The following CACNA1A variants were observed in gnomAD, a reference collection of about 807,000 sequenced individuals.
CACNA1A encodes the protein calcium voltage-gated channel subunit alpha1 A.
Under a neutral mutation model 262.4 loss-of-function variants are expected in CACNA1A, and 57 were observed. The ratio of observed to expected loss-of-function variants is 0.22; its 90% CI spans 0.18 to 0.27. The LOEUF is 0.27. CACNA1A is among the 10% of genes least tolerant of loss of function. CACNA1A has a pLI of 1.00. For missense variants in CACNA1A, 2,526 were observed against 3,562.8 expected (o/e 0.71, Z 7.41); for synonymous variants, 1,431 against 1,419.3 (o/e 1.01, Z -0.18).
Position 13,241,169 on chromosome 19 carries a change from G to C in CACNA1A, c.4950+4013C>G, listed in dbSNP as rs2056070624. Among the ~76,000 whole-genome samples the C allele has an allele frequency of 6.6e-6, 1 of 152,180 alleles. No homozygotes were observed. The highest frequency in any genetic ancestry group is 2.4e-5 in the African/African-American group (1 of 41,452). On this transcript the variant is annotated intron_variant, in intron 31 of 46. Coordinates refer to ENST00000360228, the MANE Select transcript of CACNA1A (RefSeq NM_001127222.2). The surrounding 1 kb of genome is among the most constrained non-coding windows in gnomAD (Gnocchi z 4.0). ...GACAGGAGTGGTGAGAGGTGGCTGG[G>C]AGTGGATTTGCCTCTATTGTCTCTG...
rs960086624 is a variant in CACNA1A at position 13,506,315 on chromosome 19, C to G, written c.-91G>C. 8.2e-7 allele frequency: 1 copy of G among 1,219,168 alleles called. No individual in the cohort carries two copies. The highest frequency in any genetic ancestry group is 1.6e-5 in the African/African-American group (1 of 62,006). 75.5% of individuals were successfully genotyped at this position (1,219,168 alleles called of 1,614,324 possible). A position where few individuals can be genotyped will look rare whatever the true frequency, so the allele number is the denominator to read the frequency against. ...GCCGCCGCCGCTGATGCTGAGGCTG[C>G]CGGGGCTGGGAGCGCGGCGGCTGGA... is the stretch of plus-strand genomic sequence containing the variant. On this transcript the variant is annotated 5_prime_UTR_variant, in exon 1 of 47. Transcript: ENST00000360228.
chr19:13,371,665 G>A (rs1957779862), intron 4 of CACNA1A, 23 bp downstream of exon 4: 5 of 1,541,240 alleles, frequency 3.2e-6, no homozygotes, highest in Non-Finnish European at 4.4e-6. Flanking sequence ...CAAACCCCTT[G>A]TCAGGGTCGG....
intron 30 of CACNA1A, among the ~76,000 whole-genome samples, chr19:13,247,958 G>A (rs975752599): frequency 2.0e-5 from 3 of 152,142 alleles, no homozygotes; most frequent in Non-Finnish European, 4.4e-5. Context: ...TCCCTGTGAG[G>A]TGGGATGACT....
rs1325815599 is a variant in CACNA1A, at chr19:13,308,607, C to T, written c.1669-79G>A. 1.2e-6 allele frequency: 1 copy of T among 826,302 alleles called. No individual in the cohort carries two copies. Among genetic ancestry groups the T allele is most frequent in the African/African-American group, 1.7e-5 (1 of 58,346 alleles). 51.2% of individuals were successfully genotyped at this position (826,302 alleles called of 1,614,324 possible). On this transcript the variant is annotated intron_variant, in intron 12 of 46. Transcript: ENST00000360228. This position sits in a 1 kb window ranked among gnomAD's most constrained non-coding sequence, Gnocchi z 4.2. ...TGGCAAGCATTTCCTAGGTACCAAC[C>T]TTGCAAGAACTCAACCAAACTCCTC...
At chr19:13,354,857 GCTTTT>G in intron 6 of CACNA1A, among the ~76,000 whole-genome samples, 1 of 142,264 alleles carries the variant, frequency 7.0e-6, no homozygotes, top group East Asian at 2.1e-4. Flanking sequence ...AAGGGAGGAT[GCTTTT>G]CTTTTTCTTT....
chr19:13,296,257 T>C (rs757356657), intron 19 of CACNA1A, among the ~76,000 whole-genome samples: 6 of 152,194 alleles, frequency 3.9e-5, no homozygotes, highest in South Asian at 2.1e-4. Flanking sequence ...ACATACACAT[T>C]AGATTTTGAG....
chr19:13,294,432 C>G (rs553757864), intron 19 of CACNA1A, among the ~76,000 whole-genome samples: 2 of 150,620 alleles, frequency 1.3e-5, no homozygotes, highest in South Asian at 4.2e-4. Context: ...TCAAGCAATC[C>G]TTTGCCTCAG....
chr19:13,297,836 T>C (rs2057695802), intron 19 of CACNA1A, among the ~76,000 whole-genome samples: 1 of 151,982 alleles, frequency 6.6e-6, no homozygotes, highest in South Asian at 2.1e-4. Context: ...ACAGCATTTT[T>C]TTTTTTTTGA....
At chr19:13,380,745 G>GTTTATTTA (rs1475227044) in intron 3 of CACNA1A, among the ~76,000 whole-genome samples, 6 of 142,984 alleles carry the variant, frequency 4.2e-5, no homozygotes, top group Non-Finnish European at 7.6e-5. Context: ...TTGTTTGTTT[G>GTTTATTTA]TTTGTTTATT....
rs192673094 is a variant in CACNA1A at position 13,323,593 on chromosome 19, C to T, written c.1346-6272G>A. ...CGTCACATCTTAGCCTCCCGAGTAG[C>T]TGTCTTTGCCCATTTTTAATTGGGT... On this transcript the variant is annotated intron_variant, in intron 10 of 46. Coordinates refer to ENST00000360228, the MANE Select transcript of CACNA1A (RefSeq NM_001127222.2). Among the ~76,000 whole-genome samples, 4 of 152,296 alleles carry T rather than the reference C, an allele frequency of 2.6e-5. No individual in the cohort carries two copies. In the East Asian group the frequency reaches 5.8e-4, roughly 22 times the overall value.
At position 13,207,466 on chromosome 19, in the gene CACNA1A, C is replaced by T. The variant is rs987406696; in HGVS notation, c.7368G>A (p.Arg2456=). 59 of 1,482,478 alleles carry T rather than the reference C, an allele frequency of 4.0e-5. No individual in the cohort carries two copies. The highest frequency in any genetic ancestry group is 4.6e-5 in the Non-Finnish European group (52 of 1,121,270). 91.8% of individuals were successfully genotyped at this position (1,482,478 alleles called of 1,614,324 possible). ...GATGRSPRTP[R]ASGPACASPS... is the part of the protein sequence containing the mutation. ...GCGAGGCGCAGGCCGGGCCCGAGGC[C>T]CGGGGAGTCCTGGGCGAGCGCCCGG... Residue 2456 remains arginine, a synonymous_variant, in exon 47 of 47, where the codon CGG becomes CGA. Transcript: ENST00000360228. This position sits in a 1 kb window ranked among gnomAD's most constrained non-coding sequence, Gnocchi z 5.7.
At chr19:13,282,704 G>A (rs1244310320) in intron 22 of CACNA1A, among the ~76,000 whole-genome samples, 4 of 151,850 alleles carry the variant, frequency 2.6e-5, no homozygotes, top group Non-Finnish European at 4.4e-5. Flanking sequence ...GGTTGGGGGG[G>A]CGCATTGTGA....
chr19:13,441,919 T>C (rs2060728353), intron 3 of CACNA1A, among the ~76,000 whole-genome samples: 1 of 152,008 alleles, frequency 6.6e-6, no homozygotes, highest in African/African-American at 2.4e-5. Flanking sequence ...GGCAAGGTCT[T>C]CTCCAGCCCC....
At chr19:13,337,959 C>T (rs991962783) in intron 6 of CACNA1A, among the ~76,000 whole-genome samples, 3 of 152,156 alleles carry the variant, frequency 2.0e-5, no homozygotes, top group African/African-American at 7.2e-5. Flanking sequence ...GTGGCTCACG[C>T]CTGCAATCCC....
intron 1 of CACNA1A, among the ~76,000 whole-genome samples, chr19:13,456,906 G>A (rs1053760550): frequency 1.3e-5 from 2 of 152,104 alleles, no homozygotes; most frequent in African/African-American, 2.4e-5. Flanking sequence ...GAAAACAAGT[G>A]TTGGTGAAGA....
intron 3 of CACNA1A, among the ~76,000 whole-genome samples, chr19:13,442,320 C>A (rs1040016400): frequency 8.5e-5 from 13 of 152,126 alleles, no homozygotes; most frequent in Non-Finnish European, 1.6e-4. Context: ...AGTGTTTTCC[C>A]ACTGAGCAAT....
rs368885240 is a variant in CACNA1A, at chr19:13,452,544, C to CT, written c.539+331dup. 6.6e-3 allele frequency: 1,224 copies of CT among 186,254 alleles called. 7 individuals are homozygous for CT. The highest frequency in any genetic ancestry group is 9.9e-3 in the Non-Finnish European group (893 of 90,300). The allele number at this position is 186,254 out of a possible 1,614,324, so 11.5% of individuals were successfully genotyped here. On this transcript the variant is annotated intron_variant, in intron 3 of 46. Transcript: ENST00000360228. The stretch of plus-strand genomic sequence containing the variant: ...TGGGTGGCCTTAAGCAAGTTACACT[C>CT]TGAGTTTCTGATTCCTCAGTGGTCA...
intron 3 of CACNA1A, among the ~76,000 whole-genome samples, chr19:13,402,749 T>C (rs1303702031): frequency 6.9e-6 from 1 of 144,128 alleles, no homozygotes; most frequent in African/African-American, 2.5e-5. Context: ...TATACACATA[T>C]ATATACACAC....
intron 1 of CACNA1A, among the ~76,000 whole-genome samples, chr19:13,461,297 G>A (rs1014881033): frequency 2.0e-5 from 3 of 152,056 alleles, no homozygotes; most frequent in South Asian, 4.1e-4. Flanking sequence ...CCGAGATAAC[G>A]CCACTGCACT....
Sources: allele counts gnomAD v4.1 joint callset (sites outside exome capture counted in the v4.1 genomes callset), GRCh38; gene constraint gnomAD v4.1.1; non-coding constraint Gnocchi (gnomAD v3.1); transcripts MANE v1.5; gene names NCBI Gene and HGNC (gene_info 2026-07-23, HGNC 2026-07-21).